The following AGXT2 variants were observed in gnomAD, a reference collection of about 807,000 sequenced individuals.
AGXT2 encodes the protein alanine--glyoxylate aminotransferase 2.
AGXT2 carries 61 observed loss-of-function variants against 62.5 expected under a neutral mutation model. The observed-to-expected ratio is 0.98, with a 90% confidence interval of 0.79 to 1.21. AGXT2 has a LOEUF of 1.21. AGXT2 is among the 50% of genes most tolerant of loss of function. AGXT2 has a pLI of 0.00. For synonymous variants in AGXT2, 243 were observed against 218.7 expected (o/e 1.11, Z -0.98); for missense variants, 666 against 641.5 (o/e 1.04, Z -0.41).
At position 35,039,416 on chromosome 5, in the gene AGXT2, C is replaced by T. The variant is rs1366755979; in HGVS notation, c.270G>A (p.Gln90=). 4 of 1,614,128 alleles carry T rather than the reference C, an allele frequency of 2.5e-6. No homozygotes were observed. The highest frequency in any genetic ancestry group is 3.4e-6 in the Non-Finnish European group (4 of 1,179,992). The change falls in exon 3 of 14, where the codon CAG becomes CAA. Residue 90 remains glutamine (Q), a synonymous_variant. Coordinates refer to ENST00000231420, the MANE Select transcript of AGXT2 (RefSeq NM_031900.4). ...AYFQKPLLLH[Q]GHMEWLFDAE... is the part of the protein sequence containing the mutation. ...CATCAAAGAGCCACTCCATGTGCCC[C>T]TGGTGGAGCAGCAGGGGTTTCTGGA...
intron 10 of AGXT2, 137 bp downstream of exon 10, chr5:35,013,850 T>A: frequency 7.6e-7 from 1 of 1,317,920 alleles, no homozygotes; most frequent in Non-Finnish European, 1.1e-6. Flanking sequence ...AGACTGTTTC[T>A]CTCTTTCATT....
At chr5:35,037,423 A>T (rs977150002) in intron 3 of AGXT2, among the ~76,000 whole-genome samples, 5 of 152,216 alleles carry the variant, frequency 3.3e-5, no homozygotes, top group African/African-American at 1.2e-4. Flanking sequence ...GACTAGTTGT[A>T]AGCCTGAGTT....
At chr5:35,035,712 A>T (rs144655293) in intron 4 of AGXT2, among the ~76,000 whole-genome samples, 1 of 152,188 alleles carries the variant, frequency 6.6e-6, no homozygotes, top group Non-Finnish European at 1.5e-5. Flanking sequence ...TTGGAACAAG[A>T]CAGGACCTCT....
At chr5:35,013,390 C>T (rs1199450270) in intron 10 of AGXT2, among the ~76,000 whole-genome samples, 1 of 152,210 alleles carries the variant, frequency 6.6e-6, no homozygotes, top group Non-Finnish European at 1.5e-5. Context: ...CTCCTCTTTC[C>T]ATCTTCTCTC....
chr5:35,010,558 G>A (rs996667966), intron 11 of AGXT2, among the ~76,000 whole-genome samples: 5 of 152,020 alleles, frequency 3.3e-5, no homozygotes, highest in Admixed American at 6.6e-5. Flanking sequence ...TGTGGGGGGC[G>A]CCTGTAGTCC....
chr5:35,036,715 G>T (rs1767779353), intron 4 of AGXT2, among the ~76,000 whole-genome samples: 1 of 152,172 alleles, frequency 6.6e-6, no homozygotes, highest in Admixed American at 6.5e-5. Flanking sequence ...ACATTGGTTT[G>T]TTTCGCCAGC....
Position 35,040,658 on chromosome 5 carries a change from T to C in AGXT2, c.94A>G (p.Thr32Ala). 1 of 1,613,536 alleles carries C rather than the reference T, an allele frequency of 6.2e-7. No individual in the cohort carries two copies. The highest frequency in any genetic ancestry group is 1.1e-5 in the South Asian group (1 of 91,078). ...AGCTTGGTTACTGATGTCCGGGAAG[T>C]ACCTACTGAAAGTGAAGTGAGTTAG... ...LEMHPFLSLGTSRTSVTKLSL... is the reference protein window; with the variant it reads ...LEMHPFLSLGASRTSVTKLSL... The change falls in exon 2 of 14, where the codon ACT becomes GCT. Residue 32 changes from threonine (T) to alanine (A), a missense_variant. Transcript: ENST00000231420.
chr5:35,040,701 G>A (rs770106240), intron 1 of AGXT2, 38 bp from the exon 2 acceptor site: 15 of 1,504,986 alleles, frequency 1.0e-5, no homozygotes, highest in East Asian at 2.3e-5. Context: ...AACTAAGCAT[G>A]ACATAGGTCT....
At position 35,046,549 on chromosome 5, in the gene AGXT2, C is replaced by T. The variant is rs150447302; in HGVS notation, c.88+1256G>A. On this transcript the variant is annotated intron_variant, in intron 1 of 13. Transcript: ENST00000231420. ...CCTTTGACCACATTTCTTAGATATTCCTTATTCTCTTGTCTCCTCATTTGT... is the reference window on the plus strand; with the variant it reads ...CCTTTGACCACATTTCTTAGATATTTCTTATTCTCTTGTCTCCTCATTTGT... Among the ~76,000 whole-genome samples, 88 of 152,286 alleles carry T rather than the reference C, an allele frequency of 5.8e-4. 1 individual carries two copies. The highest frequency in any genetic ancestry group is 2.0e-3 in the African/African-American group (85 of 41,552).
intron 9 of AGXT2, among the ~76,000 whole-genome samples, chr5:35,019,512 T>C (rs968288729): frequency 7.9e-5 from 12 of 152,154 alleles, no homozygotes; most frequent in Admixed American, 5.9e-4. Flanking sequence ...AATAAAGATG[T>C]TCTTTGAAAC....
intron 9 of AGXT2, among the ~76,000 whole-genome samples, chr5:35,017,192 T>A (rs926643133): frequency 1.3e-5 from 2 of 152,130 alleles, no homozygotes; most frequent in East Asian, 3.8e-4. Flanking sequence ...CGCTCTGTCA[T>A]TTTGGAGGGG....
chr5:35,013,031 A>G lies in AGXT2; in HGVS notation c.1111T>C (p.Leu371=). Residue 371 remains leucine, a synonymous_variant, in exon 11 of 14, where the codon TTG becomes CTG. Coordinates refer to ENST00000231420, the MANE Select transcript of AGXT2 (RefSeq NM_031900.4). The stretch of plus-strand genomic sequence containing the variant: ...TTGAAGTGCTGCAGGCATTTCGCCA[A>G]AGATTTGGCAATCTCTAGAGGGAGA... ...VITTPEIAKS[L]AKCLQHFNTF... is the part of the protein sequence containing the mutation. The G allele has an allele frequency of 1.3e-6, 2 of 1,551,714 alleles. No individual in the cohort carries two copies. Among genetic ancestry groups the G allele is most frequent in the Non-Finnish European group, 1.7e-6 (2 of 1,146,984 alleles).
In AGXT2 at chr5:35,022,166, T is replaced by C. The variant is rs559946614; in HGVS notation, c.963+3597A>G. 7.8e-4 allele frequency among the ~76,000 whole-genome samples: 118 copies of C among 152,250 alleles called. 1 individual carries two copies. Among genetic ancestry groups the C allele is most frequent in the African/African-American group, 2.7e-3 (111 of 41,542 alleles). On this transcript the variant is annotated intron_variant, in intron 9 of 13. Transcript: ENST00000231420. Reference sequence around the variant, plus strand: ...TCAACCATTGTGGAAGTCAGTGTGGTGATTCCTCAGGGATCTAGAACTAGA... The same window carrying C: ...TCAACCATTGTGGAAGTCAGTGTGGCGATTCCTCAGGGATCTAGAACTAGA...
intron 7 of AGXT2, chr5:35,026,827 C>T: frequency 1.0e-6 from 1 of 984,364 alleles, no homozygotes; most frequent in Non-Finnish European, 1.2e-6. Context: ...AGCTGTTTCA[C>T]CTAAGGATGC....
chr5:35,038,369 AT>A, intron 3 of AGXT2, among the ~76,000 whole-genome samples: 1 of 152,366 alleles, frequency 6.6e-6, no homozygotes, highest in East Asian at 1.9e-4. Context: ...TTCAGTGAGA[AT>A]GTTTGAACTC....
At chr5:35,006,581 G>A (rs1766432680) in intron 12 of AGXT2, among the ~76,000 whole-genome samples, 1 of 152,164 alleles carries the variant, frequency 6.6e-6, no homozygotes, top group South Asian at 2.1e-4. Context: ...AGCCATTGAT[G>A]AGGAATCCGC....
At position 35,012,989 on chromosome 5, in the gene AGXT2, G is replaced by A; in HGVS notation, c.1153C>T (p.Pro385Ser). The A allele has an allele frequency of 6.4e-7, 1 of 1,551,724 alleles. No individual in the cohort carries two copies. Among genetic ancestry groups the A allele is most frequent in the Non-Finnish European group, 8.7e-7 (1 of 1,147,004 alleles). ...LQHFNTFGGNPMACAIGSAVL... is the reference protein window; with the variant it reads ...LQHFNTFGGNSMACAIGSAVL... ...GCAGATCCAATGGCACAGGCCATGG[G>A]GTTCCCTCCAAAGGTGTTGAAGTGC... Residue 385 changes from proline (P) to serine (S), a missense_variant, in exon 11 of 14, where the codon CCC (proline) becomes TCC (serine). Transcript: ENST00000231420.
chr5:35,046,136 G>A (rs751878859), intron 1 of AGXT2, among the ~76,000 whole-genome samples: 6 of 152,060 alleles, frequency 3.9e-5, no homozygotes, highest in African/African-American at 1.4e-4. Flanking sequence ...CGTCGCCAAC[G>A]AGTTGCTCAA....
At chr5:35,047,709 C>T (rs1259203661) in intron 1 of AGXT2, 96 bp downstream of exon 1, 25 of 1,498,850 alleles carry the variant, frequency 1.7e-5, no homozygotes, top group Non-Finnish European at 2.1e-5. Flanking sequence ...TCACCCAGGT[C>T]TAACATTCCA....
Sources: gnomAD v4.1 joint callset for allele counts (sites outside exome capture counted in the v4.1 genomes callset) on GRCh38, gnomAD v4.1.1 for gene constraint, MANE v1.5 for transcripts, NCBI Gene and HGNC (gene_info 2026-07-23, HGNC 2026-07-21) for gene names.